SLC35F6: variants seen among roughly 807,000 people sequenced by gnomAD.
SLC35F6 encodes solute carrier family 35 member F6, also known as ANT2-binding protein.
In SLC35F6, 26 loss-of-function variants were observed where a neutral mutation model predicts 29.4. The ratio of observed to expected loss-of-function variants is 0.89; its 90% confidence interval spans 0.65 to 1.23. SLC35F6 has a LOEUF of 1.23. SLC35F6 is among the 50% of genes most tolerant of loss of function. The pLI, the probability that SLC35F6 is intolerant of heterozygous loss-of-function variation, is 0.00. For synonymous variants in SLC35F6, 174 were observed against 206.6 expected, an observed-to-expected ratio of 0.84 and a Z score of 1.35; for missense variants, 428 against 487.8, an observed-to-expected ratio of 0.88 and a Z score of 1.15.
intron 1 of SLC35F6, among the ~76,000 whole-genome samples, chr2:26,771,868 G>C (rs2148056753): frequency 6.6e-6 from 1 of 152,098 alleles, no homozygotes; most frequent in Admixed American, 6.5e-5. Context: ...ACCTGGGGTG[G>C]AGGCTTCCCC....
rs1408007512 is a variant in SLC35F6 at position 26,779,165 on chromosome 2, G to A, written c.*654G>A. The A allele has an allele frequency of 1.3e-5, 2 of 152,180 alleles. No homozygotes were observed. Among genetic ancestry groups the A allele is most frequent in the African/African-American group, 4.8e-5 (2 of 41,402 alleles). The allele number at this position is 152,180 out of a possible 1,614,324, so 9.4% of individuals were successfully genotyped here. ...GCTGGTCTCAAACTCCTGACCTCAG[G>A]TGATCTGCCTGCCTCGGCCTCCCAA... On this transcript the variant is annotated 3_prime_UTR_variant, in exon 6 of 6. Transcript: ENST00000344420.
intron 1 of SLC35F6, chr2:26,764,980 AC>A: frequency 1.0e-6 from 1 of 985,446 alleles, no homozygotes; most frequent in African/African-American, 1.7e-5. Flanking sequence ...GTCGATTGTA[AC>A]CAGCATCAAA....
In SLC35F6 at chr2:26,775,679, G is replaced by A. The variant is rs369546566; in HGVS notation, c.535+3G>A. On this transcript the variant is annotated splice_donor_region_variant and intron_variant, in intron 4 of 5. Transcript: ENST00000344420. This position sits in a 1 kb window ranked among gnomAD's most constrained non-coding sequence, Gnocchi z 4.6. ...CAAGCTCAGCGAAGTGATCACAGGTGCGGCCAGGGGCAGGGACACGGGGCT... is the reference window on the plus strand; with the variant it reads ...CAAGCTCAGCGAAGTGATCACAGGTACGGCCAGGGGCAGGGACACGGGGCT... The A allele has an allele frequency of 2.6e-5, 41 of 1,563,890 alleles. No individual in the cohort carries two copies. Among genetic ancestry groups the A allele is most frequent in the African/African-American group, 8.1e-5 (6 of 73,846 alleles).
Position 26,764,455 on chromosome 2 carries a change from G to A in SLC35F6, c.77+29G>A, listed in dbSNP as rs749351315. ...AGTCTGGGCCCTGCCGGGCGTGCGG[G>A]CCCTGGCGACCCCGGCGCTCGTTCT... On this transcript the variant is annotated intron_variant, in intron 1 of 5. Coordinates refer to ENST00000344420, the MANE Select transcript of SLC35F6 (RefSeq NM_017877.4). The A allele has an allele frequency of 1.2e-5, 19 of 1,550,276 alleles. No individual in the cohort carries two copies. In the African/African-American group the frequency reaches 2.2e-4, roughly 18 times the overall value.
intron 1 of SLC35F6, among the ~76,000 whole-genome samples, chr2:26,767,216 C>T (rs1664110855): frequency 6.6e-6 from 1 of 152,178 alleles, no homozygotes; most frequent in African/African-American, 2.4e-5. Flanking sequence ...AAGTTGTAAA[C>T]CTGTAAGTGG....
At chr2:26,771,727 G>GGAGGCT (rs1182760904) in intron 1 of SLC35F6, among the ~76,000 whole-genome samples, 1 of 152,130 alleles carries the variant, frequency 6.6e-6, no homozygotes, top group Non-Finnish European at 1.5e-5. Flanking sequence ...CAGCAACTCA[G>GGAGGCT]GAGGCTGAGG....
chr2:26,776,148 G>A (rs1361951187), intron 4 of SLC35F6, among the ~76,000 whole-genome samples: 1 of 152,210 alleles, frequency 6.6e-6, no homozygotes, highest in African/African-American at 2.4e-5. Context: ...TACCCCGTGG[G>A]GCAGCTCTTA....
At chr2:26,765,344 G>T (rs1255338509) in intron 1 of SLC35F6, among the ~76,000 whole-genome samples, 4 of 125,972 alleles carry the variant, frequency 3.2e-5, no homozygotes, top group African/African-American at 1.3e-4. Flanking sequence ...AGGGGGGACA[G>T]TTCCCAGGAG....
At chr2:26,776,234 C>T in intron 4 of SLC35F6, 138 bp from the exon 5 acceptor site, 1 of 686,842 alleles carries the variant, frequency 1.5e-6, no homozygotes, top group South Asian at 1.9e-5. Context: ...CAGGGACAGG[C>T]AGTGGTGACT....
At position 26,775,888 on chromosome 2, in the gene SLC35F6, G is replaced by C. The variant is rs1051457941; in HGVS notation, c.535+212G>C. On this transcript the variant is annotated intron_variant, in intron 4 of 5. Coordinates refer to ENST00000344420, the MANE Select transcript of SLC35F6 (RefSeq NM_017877.4). This position sits in a 1 kb window ranked among gnomAD's most constrained non-coding sequence, Gnocchi z 4.6. ...GGCAGGCCGGGCAGGGCGAGGGGCT[G>C]GCTTGTCCTTTGATACAGATGCAGA... Among the ~76,000 whole-genome samples, 15 of 152,160 alleles carry C rather than the reference G, an allele frequency of 9.9e-5. No homozygotes were observed. The highest frequency in any genetic ancestry group is 8.5e-4 in the Admixed American group (13 of 15,284).
At position 26,775,631 on chromosome 2, in the gene SLC35F6, C is replaced by T; in HGVS notation, c.490C>T (p.Leu164=). 3.1e-6 allele frequency: 5 copies of T among 1,602,706 alleles called. No individual in the cohort carries two copies. The highest frequency in any genetic ancestry group is 4.2e-6 in the Non-Finnish European group (5 of 1,177,168). ...GGTGGTCGTGGGCCTGGCTGACCTC[C>T]TGAGCAAGCACGACAGTCAGCACAA... is the stretch of plus-strand genomic sequence containing the variant. ...GLVVVGLADL[L]SKHDSQHKLS... The change falls in exon 4 of 6, where the codon CTG becomes TTG. Residue 164 remains leucine, a synonymous_variant. Transcript: ENST00000344420. The surrounding 1 kb of genome is among the most constrained non-coding windows in gnomAD (Gnocchi z 4.6).
intron 1 of SLC35F6, among the ~76,000 whole-genome samples, chr2:26,767,302 G>A (rs2148054466): frequency 6.6e-6 from 1 of 152,354 alleles, no homozygotes; most frequent in East Asian, 1.9e-4. Context: ...CAGAGACACT[G>A]CTGACAGGGT....
chr2:26,774,449 C>A, intron 2 of SLC35F6, 126 bp downstream of exon 2: 2 of 998,700 alleles, frequency 2.0e-6, no homozygotes, highest in East Asian at 2.6e-5. Flanking sequence ...GAAGAGCCAT[C>A]CACTTCTCTC....
In SLC35F6 at chr2:26,764,404, T is replaced by G; in HGVS notation, c.55T>G (p.Ser19Ala). Residue 19 changes from serine (S) to alanine (A), a missense_variant, in exon 1 of 6, where the codon TCC (serine) becomes GCC (alanine). Coordinates refer to ENST00000344420, the MANE Select transcript of SLC35F6 (RefSeq NM_017877.4). ...GGCCGGGCTCATGCTTGTTACCGGCTCCATCAACACGCTCTCGGCAAAGTG... is the reference window on the plus strand; with the variant it reads ...GGCCGGGCTCATGCTTGTTACCGGCGCCATCAACACGCTCTCGGCAAAGTG... ...FLAGLMLVTG[S>A]INTLSAKWAD... 1 of 1,551,016 alleles carries G rather than the reference T, an allele frequency of 6.4e-7. No individual in the cohort carries two copies.
intron 1 of SLC35F6, among the ~76,000 whole-genome samples, chr2:26,771,848 G>A (rs749128786): frequency 1.3e-5 from 2 of 151,944 alleles, no homozygotes; most frequent in Non-Finnish European, 2.9e-5. Context: ...ATGAGGTCAG[G>A]TGTTTCCTGA....
In SLC35F6 at chr2:26,778,640, G is replaced by A. The variant is rs1464099335; in HGVS notation, c.*129G>A. The A allele has an allele frequency of 1.7e-5, 15 of 872,786 alleles. No homozygotes were observed. Among genetic ancestry groups the A allele is most frequent in the African/African-American group, 6.8e-5 (4 of 58,928 alleles). 54.1% of individuals were successfully genotyped at this position (872,786 alleles called of 1,614,324 possible). On this transcript the variant is annotated 3_prime_UTR_variant, in exon 6 of 6. Coordinates refer to ENST00000344420, the MANE Select transcript of SLC35F6 (RefSeq NM_017877.4). ...TGTCCCCTCCCTGCAGAACCCCCAG[G>A]GCAGCTGCTGCCACAGAAGATAACA...
intron 1 of SLC35F6, chr2:26,765,026 G>T: frequency 1.0e-6 from 1 of 984,322 alleles, no homozygotes; most frequent in Non-Finnish European, 1.2e-6. Flanking sequence ...AATCAGAAAA[G>T]TGCTTTTGAG....
chr2:26,764,542 C>G, intron 1 of SLC35F6, 116 bp downstream of exon 1: 3 of 1,335,660 alleles, frequency 2.2e-6, no homozygotes, highest in Non-Finnish European at 3.1e-6. Context: ...TTGCTCCGGT[C>G]AGTTCGCGCG....
At chr2:26,777,419 A>C (rs1487665296) in intron 5 of SLC35F6, among the ~76,000 whole-genome samples, 6 of 152,216 alleles carry the variant, frequency 3.9e-5, no homozygotes, top group Non-Finnish European at 7.3e-5. Flanking sequence ...CCTGGGGGCT[A>C]GTGCCTGTTG....
Sources: gnomAD v4.1 joint callset for allele counts (sites outside exome capture counted in the v4.1 genomes callset) on GRCh38, gnomAD v4.1.1 for gene constraint, Gnocchi (gnomAD v3.1) non-coding constraint, MANE v1.5 for transcripts, NCBI Gene and HGNC (gene_info 2026-07-23, HGNC 2026-07-21) for gene names.